The following ZNF599 variants were observed in gnomAD, a reference collection of about 807,000 sequenced individuals.
The protein encoded by ZNF599 is zinc finger protein 599.
A neutral mutation model predicts 11.7 loss-of-function variants in ZNF599; 10 were observed. The observed-to-expected ratio is 0.86, with a 90% CI of 0.53 to 1.45. The LOEUF is 1.45. Among genes scored for constraint, ZNF599 ranks in the 40% most tolerant of loss-of-function variants. ZNF599 has a pLI of 0.00. For synonymous variants in ZNF599, 232 were observed against 253.2 expected (o/e 0.92, Z 0.79); for missense variants, 688 against 713.6 (o/e 0.96, Z 0.41).
At chr19:34,806,353 G>T in the ZNF599 span, among the ~76,000 whole-genome samples, 1 of 151,876 alleles carries the variant, frequency 6.6e-6, no homozygotes, top group South Asian at 2.1e-4. Context: ...TGTCCAACTT[G>T]CACCTCATCC....
upstream of ZNF599, among the ~76,000 whole-genome samples, chr19:34,777,465 T>TGATATATATTAATTAATATATAA (rs1310560062): frequency 4.1e-5 from 4 of 96,458 alleles, 1 homozygote; most frequent in African/African-American, 1.9e-4. Context: ...ATATAATATA[T>TGATATATATTAATTAATATATAA]TATATATTAA....
chr19:34,766,644 C>T (rs1351389034), intron 3 of ZNF599, among the ~76,000 whole-genome samples: 1 of 152,206 alleles, frequency 6.6e-6, no homozygotes, highest in African/African-American at 2.4e-5. Context: ...CAGAAACTAT[C>T]ATCACTATCT....
the ZNF599 span, among the ~76,000 whole-genome samples, chr19:34,805,620 G>T: frequency 2.0e-5 from 3 of 151,994 alleles, no homozygotes; most frequent in African/African-American, 7.3e-5. Flanking sequence ...TTAGATTATT[G>T]CAGTAGCCCC....
At chr19:34,775,059 T>C (rs1288911738), upstream of ZNF599, among the ~76,000 whole-genome samples, 2 of 152,196 alleles carry the variant, frequency 1.3e-5, no homozygotes, top group African/African-American at 4.8e-5. Context: ...CCCTTTGCCT[T>C]GCACCATGAT....
rs926898898 is a variant in ZNF599 at position 34,762,466 on chromosome 19, T to C, written c.242-1907A>G. Among the ~76,000 whole-genome samples, 10 of 152,030 alleles carry C rather than the reference T, an allele frequency of 6.6e-5. No individual in the cohort carries two copies. In the South Asian group the frequency reaches 1.0e-3, roughly 16 times the overall value. Reference sequence around the variant, plus strand: ...AATTCTCCTTTTGCTCATCTTATAATCCAGAAATGCCAGTCCAAGGAACTT... The same window carrying C: ...AATTCTCCTTTTGCTCATCTTATAACCCAGAAATGCCAGTCCAAGGAACTT... On this transcript the variant is annotated intron_variant, in intron 3 of 3. Coordinates refer to ENST00000329285, the MANE Select transcript of ZNF599 (RefSeq NM_001007248.3).
At chr19:34,781,234 TAAAGAG>T in the ZNF599 span, among the ~76,000 whole-genome samples, 5 of 135,928 alleles carry the variant, frequency 3.7e-5, no homozygotes, top group South Asian at 7.3e-4. Context: ...AGAAAAGAAA[TAAAGAG>T]AAAGAAAGAA....
At chr19:34,792,941 C>A in the ZNF599 span, among the ~76,000 whole-genome samples, 1 of 152,074 alleles carries the variant, frequency 6.6e-6, no homozygotes, top group African/African-American at 2.4e-5. Flanking sequence ...GGACAAAAAG[C>A]CATGCATGCC....
chr19:34,766,711 T>C lies in ZNF599; in HGVS notation c.241+605A>G, dbSNP rs1228522938. ...ATATGTTCACTATACCCATAGGCTC[T>C]TCTCCTTGGGTATAAAAAAGCTAAA... On this transcript the variant is annotated intron_variant, in intron 3 of 3. Coordinates refer to ENST00000329285, the MANE Select transcript of ZNF599 (RefSeq NM_001007248.3). Among the ~76,000 whole-genome samples the C allele has an allele frequency of 3.9e-5, 6 of 152,210 alleles. No homozygotes were observed. The East Asian group carries it at 1.2e-3, about 29-fold the overall frequency.
chr19:34,764,483 TAA>T (rs1227367138), intron 3 of ZNF599: 1 of 152,228 alleles, frequency 6.6e-6, no homozygotes, highest in African/African-American at 2.4e-5. Flanking sequence ...AGAATATTCA[TAA>T]GAGTAGTCTT....
chr19:34,800,714 G>A, the ZNF599 span, among the ~76,000 whole-genome samples: 1 of 149,766 alleles, frequency 6.7e-6, no homozygotes, highest in Admixed American at 6.7e-5. Flanking sequence ...TCCTGCCTCA[G>A]CCTCCAGAGT....
chr19:34,802,414 G>A, the ZNF599 span, among the ~76,000 whole-genome samples: 2 of 152,194 alleles, frequency 1.3e-5, no homozygotes, highest in African/African-American at 4.8e-5. Context: ...CAAGAGGTGT[G>A]CAGAAAGGTA....
chr19:34,790,559 G>A, the ZNF599 span, among the ~76,000 whole-genome samples: 1 of 152,160 alleles, frequency 6.6e-6, no homozygotes, highest in Non-Finnish European at 1.5e-5. Flanking sequence ...GTGGAATCAA[G>A]AGAAATTGAA....
the ZNF599 span, among the ~76,000 whole-genome samples, chr19:34,778,946 TGA>T: frequency 6.6e-6 from 1 of 152,186 alleles, no homozygotes; most frequent in African/African-American, 2.4e-5. Context: ...TCCCAAATCA[TGA>T]GTCTTTACAG....
the ZNF599 span, among the ~76,000 whole-genome samples, chr19:34,797,081 G>A: frequency 0.015 from 2,301 of 151,328 alleles, 48 homozygotes; most frequent in African/African-American, 0.053. Flanking sequence ...TTTTGTCCTT[G>A]CGATAGTTTG....
chr19:34,762,789 CAAG>C (rs1427365525), intron 3 of ZNF599: 1 of 152,112 alleles, frequency 6.6e-6, no homozygotes, highest in Non-Finnish European at 1.5e-5. Context: ...TACACACACA[CAAG>C]AATACAATGT....
the ZNF599 span, among the ~76,000 whole-genome samples, chr19:34,803,812 C>T: frequency 6.6e-6 from 1 of 152,318 alleles, no homozygotes; most frequent in South Asian, 2.1e-4. Flanking sequence ...ACTCTTCATC[C>T]TTAAGTCCCA....
At chr19:34,791,515 C>T in the ZNF599 span, among the ~76,000 whole-genome samples, 3 of 152,090 alleles carry the variant, frequency 2.0e-5, no homozygotes, top group Non-Finnish European at 4.4e-5. Context: ...TTACAATAGC[C>T]AGCATTAACT....
At chr19:34,799,350 ATGTGTG>A in the ZNF599 span, among the ~76,000 whole-genome samples, 2 of 152,150 alleles carry the variant, frequency 1.3e-5, no homozygotes, top group African/African-American at 4.8e-5. Flanking sequence ...ACTTAGCAAT[ATGTGTG>A]TAAGAATTCT....
At position 34,769,434 on chromosome 19, in the gene ZNF599, G is replaced by A; in HGVS notation, c.140C>T (p.Ser47Leu). 1.9e-6 allele frequency: 3 copies of A among 1,614,148 alleles called. No homozygotes were observed. Among genetic ancestry groups the A allele is most frequent in the Non-Finnish European group, 2.5e-6 (3 of 1,180,024 alleles). Residue 47 changes from serine (S) to leucine (L), a missense_variant, in exon 2 of 4, where the codon TCA (serine) becomes TTA (leucine). Physicochemically the swap from Ser to Leu is moderately radical, Grantham distance 145. Transcript: ENST00000329285. ...VMLETCRLLV[S>L]LGHPVPKPEL... ...GGAGGGTAATGAGGTCTTACCCAGT[G>A]AGACCAGGAGCCTGCAGGTCTCCAG...
Sources: gnomAD v4.1 joint callset for allele counts (sites outside exome capture counted in the v4.1 genomes callset) on GRCh38, gnomAD v4.1.1 for gene constraint, MANE v1.5 for transcripts, NCBI Gene and HGNC (gene_info 2026-07-23, HGNC 2026-07-21) for gene names.